Variants in RBFOX1 observed in about 807,000 individuals in gnomAD.
RBFOX1 encodes the protein RNA binding protein fox-1 homolog 1.
Under a neutral mutation model 57.7 loss-of-function variants are expected in RBFOX1, and 8 were observed. The observed-to-expected ratio is 0.14, with a 90% confidence interval of 0.08 to 0.25. The LOEUF (loss-of-function observed/expected upper bound fraction) is 0.25, where lower values mean the gene tolerates loss of function less well. Ranked by LOEUF, RBFOX1 falls within the 10% of genes least tolerant of loss-of-function variation. RBFOX1 has a pLI of 1.00. For synonymous variants in RBFOX1, 326 were observed against 222.4 expected (o/e 1.47, Z -4.15); for missense variants, 611 against 548.5 (o/e 1.11, Z -1.14).
chr16:6,154,567 G>A (rs1056138106), intron 1 of RBFOX1, among the ~76,000 whole-genome samples: 3 of 152,108 alleles, frequency 2.0e-5, no homozygotes, highest in Admixed American at 2.0e-4. Context: ...ATGACAAGAT[G>A]GTCTAAATCT....
chr16:5,906,091 C>G (rs548815862), intron 4 of RBFOX1, among the ~76,000 whole-genome samples: 83 of 152,238 alleles, frequency 5.5e-4, no homozygotes, highest in Admixed American at 9.2e-4. Context: ...ATGTTCTTAG[C>G]TGGCAGCAAA....
chr16:7,612,840 T>C (rs559114150), intron 10 of RBFOX1, among the ~76,000 whole-genome samples: 19 of 152,276 alleles, frequency 1.2e-4, no homozygotes, highest in African/African-American at 4.1e-4. Context: ...CCACGTTGTA[T>C]ATCATATCTG....
chr16:6,199,211 C>G (rs1261093148), intron 1 of RBFOX1, among the ~76,000 whole-genome samples: 1 of 152,098 alleles, frequency 6.6e-6, no homozygotes, highest in African/African-American at 2.4e-5. Flanking sequence ...TTAAAACAAG[C>G]TAAATGCACA....
chr16:6,559,398 C>A (rs889439915), intron 2 of RBFOX1, among the ~76,000 whole-genome samples: 1 of 151,716 alleles, frequency 6.6e-6, no homozygotes, highest in Non-Finnish European at 1.5e-5. Context: ...AGATATAGAT[C>A]CACACACAGC....
At chr16:6,625,525 A>C (rs1170754199) in intron 2 of RBFOX1, among the ~76,000 whole-genome samples, 1 of 152,150 alleles carries the variant, frequency 6.6e-6, no homozygotes, top group African/African-American at 2.4e-5. Flanking sequence ...CAGTTCGTTA[A>C]AACTTTAAGA....
chr16:5,427,036 C>G (rs79993881), intron 1 of RBFOX1, among the ~76,000 whole-genome samples: 3,847 of 152,276 alleles, frequency 0.025, 76 homozygotes, highest in East Asian at 0.049. Flanking sequence ...GCCACCTCCT[C>G]TGTTTTTTTG....
chr16:5,471,285 G>C (rs1009223385), intron 2 of RBFOX1, among the ~76,000 whole-genome samples: 27 of 152,372 alleles, frequency 1.8e-4, no homozygotes, highest in Admixed American at 5.2e-4. Context: ...TCTTTGAAGA[G>C]AGGCTCAGGA....
intron 2 of RBFOX1, among the ~76,000 whole-genome samples, chr16:6,610,975 C>T (rs1304523451): frequency 6.6e-6 from 1 of 152,134 alleles, no homozygotes; most frequent in Non-Finnish European, 1.5e-5. Context: ...CACTTAGCAG[C>T]AACTTTTTCC....
At chr16:5,377,685 A>G (rs2066022375) in intron 1 of RBFOX1, among the ~76,000 whole-genome samples, 1 of 151,462 alleles carries the variant, frequency 6.6e-6, no homozygotes, top group Admixed American at 6.6e-5. Flanking sequence ...ATGCGGACCT[A>G]GAGGTCCCAG....
At chr16:6,390,178 A>T (rs889223919) in intron 2 of RBFOX1, among the ~76,000 whole-genome samples, 1 of 152,256 alleles carries the variant, frequency 6.6e-6, no homozygotes, top group Non-Finnish European at 1.5e-5. Flanking sequence ...GCGTGCATAC[A>T]TTAGTATTTC....
chr16:6,149,025 T>C (rs775094757), intron 1 of RBFOX1, among the ~76,000 whole-genome samples: 6 of 152,142 alleles, frequency 3.9e-5, no homozygotes, highest in Non-Finnish European at 7.4e-5. Flanking sequence ...AGGCCCCAAA[T>C]GTAGATCATT....
intron 3 of RBFOX1, among the ~76,000 whole-genome samples, chr16:6,977,754 C>T (rs1182481548): frequency 6.6e-6 from 1 of 151,966 alleles, no homozygotes; most frequent in African/African-American, 2.4e-5. Context: ...GGCCATTTCT[C>T]TGAAGAAAAG....
intron 4 of RBFOX1, among the ~76,000 whole-genome samples, chr16:7,138,322 T>G (rs8051751): frequency 0.4 from 60,528 of 151,992 alleles, 12,410 homozygotes; most frequent in African/African-American, 0.44. Context: ...ACTCATTAAA[T>G]AAGACCAAGG....
intron 4 of RBFOX1, among the ~76,000 whole-genome samples, chr16:5,910,999 C>T (rs1241133953): frequency 6.6e-6 from 1 of 152,154 alleles, no homozygotes. Context: ...TAATGCAAAT[C>T]ATGCCCCCTT....
chr16:6,944,756 C>A (rs7202420), intron 3 of RBFOX1, among the ~76,000 whole-genome samples: 2,715 of 152,258 alleles, frequency 0.018, 87 homozygotes, highest in African/African-American at 0.062. Flanking sequence ...GTCCTGTTGC[C>A]ATAGTACCCT....
chr16:7,417,284 A>T (rs2098487887), intron 4 of RBFOX1, among the ~76,000 whole-genome samples: 1 of 150,932 alleles, frequency 6.6e-6, no homozygotes, highest in Non-Finnish European at 1.5e-5. Flanking sequence ...GAGACAGGGG[A>T]ATCACTTGAA....
intron 3 of RBFOX1, among the ~76,000 whole-genome samples, chr16:6,807,735 G>A (rs1205453911): frequency 6.6e-6 from 1 of 152,090 alleles, no homozygotes; most frequent in Admixed American, 6.6e-5. Context: ...AGAATCACTT[G>A]AATCCAGGAG....
rs562671538 is a variant in RBFOX1 at position 7,052,008 on chromosome 16, C to T, written c.-15-49C>T. On this transcript the variant is annotated intron_variant, in intron 3 of 15. Transcript: ENST00000550418. ...ACTTTCTGTTTTCTTTCATGTTTTT[C>T]TGATCCGGAGCCTTCTGACTTTTCC... 6.6e-4 allele frequency: 1,047 copies of T among 1,592,120 alleles called. 4 individuals carry two copies. Among genetic ancestry groups the T allele is most frequent in the Non-Finnish European group, 8.0e-4 (935 of 1,169,922 alleles).
chr16:5,520,303 G>A (rs2043963720), intron 2 of RBFOX1, among the ~76,000 whole-genome samples: 1 of 152,176 alleles, frequency 6.6e-6, no homozygotes, highest in South Asian at 2.1e-4. Context: ...CAGGTAGTAG[G>A]AATCTCAGCT....
Sources: gnomAD v4.1 joint callset for allele counts (sites outside exome capture counted in the v4.1 genomes callset) on GRCh38, gnomAD v4.1.1 for gene constraint, MANE v1.5 for transcripts, NCBI Gene and HGNC (gene_info 2026-07-23, HGNC 2026-07-21) for gene names.